TLE1: variants seen among roughly 807,000 people sequenced by gnomAD.
TLE1 encodes the protein TLE family member 1, transcriptional corepressor, also known as transducin-like enhancer protein 1.
Under a neutral mutation model 89.8 loss-of-function variants are expected in TLE1, and 21 were observed. The ratio of observed to expected loss-of-function variants is 0.23; its 90% confidence interval spans 0.17 to 0.34. TLE1 has a LOEUF of 0.34. TLE1 is among the 10% of genes least tolerant of loss of function. TLE1 has a pLI of 1.00. For synonymous variants in TLE1, 447 were observed against 407.6 expected (o/e 1.10, Z -1.16); for missense variants, 795 against 1,031.2 (o/e 0.77, Z 3.14).
chr9:81,614,009 G>A (rs556540001), intron 11 of TLE1, among the ~76,000 whole-genome samples: 18 of 147,494 alleles, frequency 1.2e-4, no homozygotes, highest in East Asian at 2.1e-4. Flanking sequence ...CCGGGTTCAC[G>A]CCATTCTCCT....
chr9:81,626,657 A>C (rs1319149824), intron 8 of TLE1, among the ~76,000 whole-genome samples: 2 of 152,090 alleles, frequency 1.3e-5, no homozygotes, highest in African/African-American at 4.8e-5. Flanking sequence ...CATTCCTGCA[A>C]CTCGATTTTG....
intron 4 of TLE1, among the ~76,000 whole-genome samples, chr9:81,662,360 T>TG (rs1387856544): frequency 2.0e-4 from 24 of 118,170 alleles, no homozygotes; most frequent in Admixed American, 2.2e-4. Context: ...GTGTGCCTGT[T>TG]TTGTGTGTGT....
intron 4 of TLE1, among the ~76,000 whole-genome samples, chr9:81,666,809 A>AAAT (rs770061768): frequency 5.1e-5 from 7 of 136,030 alleles, no homozygotes; most frequent in African/African-American, 1.6e-4. Flanking sequence ...ATAAATAAAT[A>AAAT]AAATAAAATA....
intron 12 of TLE1, chr9:81,612,463 G>A: frequency 4.0e-6 from 3 of 751,410 alleles, no homozygotes; most frequent in Non-Finnish European, 4.9e-6. Flanking sequence ...TTGGGCCCAG[G>A]TTGTTGCTTT....
intron 15 of TLE1, 49 bp from the exon 16 acceptor site, chr9:81,591,101 T>G: frequency 2.5e-6 from 4 of 1,584,530 alleles, no homozygotes; most frequent in Non-Finnish European, 3.4e-6. Flanking sequence ...CGAGCAATCA[T>G]AGCACCATGT....
chr9:81,588,743 G>A (rs1006617380), intron 16 of TLE1, among the ~76,000 whole-genome samples: 8 of 152,096 alleles, frequency 5.3e-5, no homozygotes, highest in Admixed American at 1.3e-4. Flanking sequence ...TGGTGGGGGA[G>A]GCAGCCAGAA....
At chr9:81,682,266 A>AAAGC (rs1564082388) in intron 4 of TLE1, among the ~76,000 whole-genome samples, 1 of 151,648 alleles carries the variant, frequency 6.6e-6, no homozygotes, top group Non-Finnish European at 1.5e-5. Context: ...AAAAAAAAAA[A>AAAGC]AGCAGCAGCA....
chr9:81,604,249 C>T (rs1262696031), intron 14 of TLE1, among the ~76,000 whole-genome samples: 1 of 152,148 alleles, frequency 6.6e-6, no homozygotes, highest in Non-Finnish European at 1.5e-5. Flanking sequence ...CCGGTGGGGT[C>T]CCCTATGCCT....
chr9:81,634,996 G>C (rs1171674954), intron 6 of TLE1, among the ~76,000 whole-genome samples: 1 of 152,106 alleles, frequency 6.6e-6, no homozygotes, highest in Non-Finnish European at 1.5e-5. Context: ...GTACTGTGAG[G>C]AAGTATTGCA....
chr9:81,687,575 C>T (rs1834470682), intron 1 of TLE1, 141 bp from the exon 2 acceptor site: 2 of 625,258 alleles, frequency 3.2e-6, no homozygotes, highest in Non-Finnish European at 2.8e-6. Flanking sequence ...CTCGAGTTTG[C>T]CCTTCACTAT....
rs756618408 is a variant in TLE1 at position 81,587,726 on chromosome 9, G to C, written c.1932C>G (p.Asp644Glu). The C allele has an allele frequency of 4.3e-6, 7 of 1,614,040 alleles. No individual in the cohort carries two copies. The highest frequency in any genetic ancestry group is 5.1e-6 in the Non-Finnish European group (6 of 1,179,990). Residue 644 changes from aspartate (D) to glutamate (E), a missense_variant, in exon 17 of 20, where the codon GAC (aspartate) becomes GAG (glutamate). By Grantham distance (45) the Asp-to-Glu change is conservative (BLOSUM62 2). Transcript: ENST00000376499. ...GGLDNTVRSW[D>E]LREGRQLQQH... ...GCTGCAGCTGCCGCCCCTCGCGCAG[G>C]TCCCAGGACCTGACTGTGTTGTCCA...
At position 81,688,065 on chromosome 9, in the gene TLE1, C is replaced by T. The variant is rs139049852; in HGVS notation, c.24+152G>A. ...TTAAGAGTTTCGGCCCACTCCCCAC[C>T]CCAGGAAGAGAGGGCCCCAGACCTC... On this transcript the variant is annotated intron_variant, in intron 1 of 19. Transcript: ENST00000376499. 6.4e-5 allele frequency: 60 copies of T among 934,304 alleles called. No individual in the cohort carries two copies. In the Middle Eastern group the frequency reaches 8.7e-4, roughly 14 times the overall value. 57.9% of individuals were successfully genotyped at this position (934,304 alleles called of 1,614,324 possible).
intron 4 of TLE1, among the ~76,000 whole-genome samples, chr9:81,656,466 A>C (rs1327083786): frequency 6.6e-6 from 1 of 152,172 alleles, no homozygotes; most frequent in Non-Finnish European, 1.5e-5. Flanking sequence ...CTCACTTTGA[A>C]CTCATACACA....
intron 16 of TLE1, among the ~76,000 whole-genome samples, chr9:81,590,011 G>C (rs1308804206): frequency 1.3e-5 from 2 of 152,182 alleles, no homozygotes; most frequent in Non-Finnish European, 2.9e-5. Context: ...TGCAGCATGA[G>C]AGGGGACTTA....
At chr9:81,592,978 A>C in intron 15 of TLE1, 47 bp downstream of exon 15, 1 of 1,584,332 alleles carries the variant, frequency 6.3e-7, no homozygotes, top group Non-Finnish European at 8.6e-7. Context: ...TCCTTATTGA[A>C]TCTCCAGGGA....
At chr9:81,675,698 G>GTTTGTT (rs1554701835) in intron 4 of TLE1, among the ~76,000 whole-genome samples, 1 of 129,666 alleles carries the variant, frequency 7.7e-6, no homozygotes. Context: ...ACTCACACTA[G>GTTTGTT]TTTTTTTTTG....
At chr9:81,617,523 G>A (rs1384984146) in intron 9 of TLE1, among the ~76,000 whole-genome samples, 2 of 151,944 alleles carry the variant, frequency 1.3e-5, no homozygotes, top group Admixed American at 1.3e-4. Flanking sequence ...CCAACGTGGT[G>A]AAACCCTGTC....
chr9:81,611,631 GCGTCT>G, intron 13 of TLE1, 133 bp downstream of exon 13: 1 of 783,472 alleles, frequency 1.3e-6, no homozygotes, highest in Non-Finnish European at 1.8e-6. Flanking sequence ...GGGAGACTGG[GCGTCT>G]TTGTCTCCGA....
At chr9:81,600,167 C>A in intron 14 of TLE1, 4 of 703,526 alleles carry the variant, frequency 5.7e-6, no homozygotes, top group African/African-American at 3.5e-5. Context: ...GAAAGTAAAA[C>A]AAAAAGAGGC....
Sources: gnomAD v4.1 joint callset for allele counts (sites outside exome capture counted in the v4.1 genomes callset) on GRCh38, gnomAD v4.1.1 for gene constraint, MANE v1.5 for transcripts, NCBI Gene and HGNC (gene_info 2026-07-23, HGNC 2026-07-21) for gene names.